The following SF3B1 variants were observed in gnomAD, a reference collection of about 807,000 sequenced individuals.
SF3B1 encodes pre-mRNA processing 10.
In SF3B1, 12 loss-of-function variants were observed where a neutral mutation model predicts 153.8. That is an observed-to-expected ratio of 0.08 (90% CI 0.05 to 0.13). SF3B1 has a LOEUF of 0.13. Ranked by LOEUF, SF3B1 falls within the 10% of genes least tolerant of loss-of-function variation. The pLI, the probability that SF3B1 is intolerant of heterozygous loss-of-function variation, is 1.00. For synonymous variants in SF3B1, 498 were observed against 525.2 expected (o/e 0.95, Z 0.71); for missense variants, 513 against 1,606.1 (o/e 0.32, Z 11.63).
In SF3B1 at chr2:197,391,902, C is replaced by T; in HGVS notation, c.*401G>A. 1 of 176,740 alleles carries T rather than the reference C, an allele frequency of 5.7e-6. No individual in the cohort carries two copies. The highest frequency in any genetic ancestry group is 1.2e-5 in the Non-Finnish European group (1 of 81,906). 10.9% of individuals were successfully genotyped at this position (176,740 alleles called of 1,614,324 possible). A position where few individuals can be genotyped will look rare whatever the true frequency, so the allele number is the denominator to read the frequency against. ...TGTGACAGAAAATGAAATTAAGCCA[C>T]TTATTCCACATAAACCAATACTTTA... On this transcript the variant is annotated 3_prime_UTR_variant, in exon 25 of 25. Transcript: ENST00000335508.
At chr2:197,433,215 A>G (rs1010130158) in intron 1 of SF3B1, among the ~76,000 whole-genome samples, 3 of 152,258 alleles carry the variant, frequency 2.0e-5, no homozygotes, top group African/African-American at 4.8e-5. Context: ...GGGCACAGAC[A>G]GTGCTCAAGT....
Position 197,390,093 on chromosome 2 carries a change from C to T in SF3B1, c.*2210G>A, listed in dbSNP as rs1016951336. On this transcript the variant is annotated 3_prime_UTR_variant, in exon 25 of 25. Coordinates refer to ENST00000335508, the MANE Select transcript of SF3B1 (RefSeq NM_012433.4). ...AATGCTTTCCTTATTTAATAATAAG[C>T]ACATAAAATAATCCAAATATCTGTG... 2.0e-5 allele frequency: 3 copies of T among 152,186 alleles called. No individual in the cohort carries two copies. The highest frequency in any genetic ancestry group is 2.9e-5 in the Non-Finnish European group (2 of 68,034). 9.4% of individuals were successfully genotyped at this position (152,186 alleles called of 1,614,324 possible).
intron 23 of SF3B1, 184 bp from the exon 24 acceptor site, chr2:197,393,372 AG>A: frequency 1.7e-6 from 1 of 585,000 alleles, no homozygotes; most frequent in Admixed American, 3.2e-5. Context: ...TATATCCTTT[AG>A]AATAGCTTCC....
chr2:197,413,538 G>A (rs1012583029), intron 6 of SF3B1, among the ~76,000 whole-genome samples: 1 of 152,134 alleles, frequency 6.6e-6, no homozygotes, highest in Non-Finnish European at 1.5e-5. Flanking sequence ...TATGTATTAG[G>A]TTTTATATAT....
intron 2 of SF3B1, among the ~76,000 whole-genome samples, chr2:197,421,809 C>T (rs1479412649): frequency 6.6e-6 from 1 of 151,990 alleles, no homozygotes; most frequent in Non-Finnish European, 1.5e-5. Context: ...GAAACTCTGT[C>T]TCTACCAAAA....
rs587778679 is a variant in SF3B1, at chr2:197,408,519, T to C, written c.967A>G (p.Ile323Val). ...TPRTDRGGDS[I>V]GETPTPGASK... ...GCTCCAGGAGTCGGTGTTTCACCAA[T>C]AGAATCTCCACCTCGATCTGTTCGA... Residue 323 changes from isoleucine to valine, a missense_variant, in exon 8 of 25, where the codon ATT becomes GTT. By Grantham distance (29) the Ile-to-Val change is conservative (BLOSUM62 3). This residue lies in a region of SF3B1 where 91 missense variants were observed against 157.4 expected (regional missense o/e 0.58). Transcript: ENST00000335508. 43 of 1,613,370 alleles carry C rather than the reference T, an allele frequency of 2.7e-5. No homozygotes were observed. The highest frequency in any genetic ancestry group is 8.9e-5 in the East Asian group (4 of 44,894).
intron 1 of SF3B1, 99 bp downstream of exon 1, chr2:197,434,873 C>T (rs2085498277): frequency 7.5e-7 from 1 of 1,341,130 alleles, no homozygotes; most frequent in South Asian, 1.2e-5. Flanking sequence ...GGGCTCAGCT[C>T]CTACGAAAGA....
intron 6 of SF3B1, among the ~76,000 whole-genome samples, chr2:197,410,501 A>ATTTTTTTTTTT (rs573287348): frequency 9.3e-6 from 1 of 107,942 alleles, no homozygotes; most frequent in African/African-American, 3.7e-5. Flanking sequence ...CACCTATGTA[A>ATTTTTTTTTTT]TTTTTTTTTT....
Position 197,398,454 on chromosome 2 carries a change from T to C in SF3B1, c.3134+7A>G. On this transcript the variant is annotated splice_region_variant and intron_variant, in intron 21 of 24. Coordinates refer to ENST00000335508, the MANE Select transcript of SF3B1 (RefSeq NM_012433.4). ...TGCTTATAAAAATGTGTGGGTAATC[T>C]GCTTACCTGTCAGCAATACGACCAA... 2 of 1,612,566 alleles carry C rather than the reference T, an allele frequency of 1.2e-6. No individual in the cohort carries two copies. Among genetic ancestry groups the C allele is most frequent in the Non-Finnish European group, 1.7e-6 (2 of 1,179,558 alleles).
In SF3B1 at chr2:197,392,396, A is replaced by G. The variant is rs2084819223; in HGVS notation, c.3822T>C (p.Ile1274=). The G allele has an allele frequency of 1.2e-6, 2 of 1,612,846 alleles. No individual in the cohort carries two copies. The highest frequency in any genetic ancestry group is 2.7e-5 in the African/African-American group (2 of 74,896). Residue 1274 remains isoleucine (I), a synonymous_variant, in exon 25 of 25, where the codon ATT becomes ATC. Transcript: ENST00000335508. ...VYWKIYNSIY[I]GSQDALIAHY... ...GTGCTATGAGAGCGTCCTGGGAACC[A>G]ATGTAGATGGAGTTGTAAATTTTCC... is the stretch of plus-strand genomic sequence containing the variant.
chr2:197,393,353 T>C, intron 23 of SF3B1, 165 bp from the exon 24 acceptor site: 2 of 617,318 alleles, frequency 3.2e-6, no homozygotes, highest in South Asian at 4.0e-5. Flanking sequence ...TAACATTTCA[T>C]ATATCTAATA....
At chr2:197,427,844 C>T (rs976484189) in intron 1 of SF3B1, among the ~76,000 whole-genome samples, 4 of 151,920 alleles carry the variant, frequency 2.6e-5, no homozygotes, top group Non-Finnish European at 4.4e-5. Flanking sequence ...GATGGTGAAA[C>T]CCCATCTCTA....
chr2:197,423,290 G>A (rs1366590763), intron 2 of SF3B1, among the ~76,000 whole-genome samples: 4 of 151,866 alleles, frequency 2.6e-5, no homozygotes, highest in Admixed American at 6.6e-5. Context: ...GGGAGGCTGA[G>A]GCAGGAGAAT....
intron 20 of SF3B1, chr2:197,399,043 G>A (rs1334305755): frequency 2.3e-6 from 3 of 1,299,840 alleles, no homozygotes; most frequent in East Asian, 5.6e-5. Flanking sequence ...TTACACCTAC[G>A]AAGAGAGAAA....
At chr2:197,435,084 GC>G (rs1487267174), upstream of SF3B1, 43 of 1,596,768 alleles carry the variant, frequency 2.7e-5, no homozygotes, top group Middle Eastern at 1.9e-4. Context: ...ATAGCTGGGG[GC>G]TGCACTCTGC....
At chr2:197,399,435 A>G (rs947989325) in intron 20 of SF3B1, among the ~76,000 whole-genome samples, 6 of 152,248 alleles carry the variant, frequency 3.9e-5, no homozygotes, top group Non-Finnish European at 8.8e-5. Flanking sequence ...AAGATTAAAT[A>G]TAAGAAACCA....
chr2:197,400,995 A>C lies in SF3B1; in HGVS notation c.2497-59T>G. ...ACTGCTTTTCCAAGGAAATAAAGCA[A>C]CATCATGAAAACCAAATACTCTAAA... On this transcript the variant is annotated intron_variant, in intron 17 of 24. Transcript: ENST00000335508. This position sits in a 1 kb window ranked among gnomAD's most constrained non-coding sequence, Gnocchi z 5.0. The C allele has an allele frequency of 9.4e-7, 1 of 1,066,020 alleles. No individual in the cohort carries two copies. The allele number at this position is 1,066,020 out of a possible 1,614,324, so 66.0% of individuals were successfully genotyped here. A position where few individuals can be genotyped will look rare whatever the true frequency, so the allele number is the denominator to read the frequency against.
intron 5 of SF3B1, among the ~76,000 whole-genome samples, 181 bp downstream of exon 5, chr2:197,418,328 T>C (rs752872704): frequency 7.3e-6 from 1 of 137,642 alleles, no homozygotes; most frequent in African/African-American, 2.7e-5. Context: ...GAAAAGGATA[T>C]AGAAATGAAA....
Position 197,392,472 on chromosome 2 carries a change from T to TG in SF3B1, c.3757-12dup. 7.5e-7 allele frequency: 1 copy of TG among 1,329,880 alleles called. No individual in the cohort carries two copies. Among genetic ancestry groups the TG allele is most frequent in the Non-Finnish European group, 1.1e-6 (1 of 944,338 alleles). The allele number at this position is 1,329,880 out of a possible 1,614,324, so 82.4% of individuals were successfully genotyped here. A position where few individuals can be genotyped will look rare whatever the true frequency, so the allele number is the denominator to read the frequency against. ...TGGGTGAAACAGACCCTAAAATAAT[T>TG]GAACGGTTACATTATTTCAATTTTT... On this transcript the variant is annotated splice_polypyrimidine_tract_variant and intron_variant, in intron 24 of 24. Transcript: ENST00000335508.
Sources: allele counts gnomAD v4.1 joint callset (sites outside exome capture counted in the v4.1 genomes callset), GRCh38; gene constraint gnomAD v4.1.1; regional missense constraint gnomAD v4.1.1; non-coding constraint Gnocchi (gnomAD v3.1); transcripts MANE v1.5; gene names NCBI Gene and HGNC (gene_info 2026-07-23, HGNC 2026-07-21).